The following FAAH2 variants were observed in gnomAD, a reference collection of about 807,000 sequenced individuals.
The protein encoded by FAAH2 is fatty acid amide hydrolase 2.
In FAAH2, 60 loss-of-function variants were observed where a neutral mutation model predicts 36.9. The observed-to-expected ratio is 1.63, with a 90% confidence interval of 1.32 to 2.02. FAAH2 has a LOEUF of 2.02. FAAH2 is among the 30% of genes most tolerant of loss of function. The pLI is 0.00. For synonymous variants in FAAH2, 214 were observed against 143.8 expected (o/e 1.49, Z -3.49); for missense variants, 689 against 397.5 (o/e 1.73, Z -6.23).
intron 3 of FAAH2, among the ~76,000 whole-genome samples, chrX:57,316,821 C>T (rs2052853323): frequency 9.0e-6 from 1 of 110,881 alleles, no homozygotes; most frequent in Non-Finnish European, 1.9e-5. Context: ...CTGTCTCCCC[C>T]CACCGCCTCC....
chrX:57,431,768 T>TTTTTTTTG (rs1312128408), intron 7 of FAAH2, 150 bp from the exon 8 acceptor site: 1 of 181,812 alleles, frequency 5.5e-6, no homozygotes, highest in African/African-American at 5.3e-5. Context: ...TTTTTGTTTT[T>TTTTTTTTG]TTGTTTTTTT....
chrX:57,479,457 G>A (rs1438476430), intron 10 of FAAH2, among the ~76,000 whole-genome samples: 2 of 111,148 alleles, frequency 1.8e-5, no homozygotes, highest in African/African-American at 6.5e-5. Context: ...TGACTTCCTC[G>A]TTTCCTAATT....
At chrX:57,365,583 C>T (rs765301359) in intron 5 of FAAH2, among the ~76,000 whole-genome samples, 8 of 111,785 alleles carry the variant, frequency 7.2e-5, no homozygotes, top group African/African-American at 2.3e-4. Context: ...TCTGCGTTTC[C>T]TATATTTGCA....
the FAAH2 span, among the ~76,000 whole-genome samples, chrX:57,185,768 C>G: frequency 9.1e-6 from 1 of 109,526 alleles, no homozygotes; most frequent in East Asian, 2.9e-4. Flanking sequence ...TCCATGTATT[C>G]TCATTGCTCA....
Position 57,331,587 on chromosome X carries a change from G to T in FAAH2, c.413-11G>T, listed in dbSNP as rs1197052599. 7.6e-6 allele frequency: 9 copies of T among 1,187,688 alleles called. No individual in the cohort carries two copies. The highest frequency in any genetic ancestry group is 1.0e-5 in the Non-Finnish European group (9 of 881,165). On this transcript the variant is annotated splice_polypyrimidine_tract_variant and intron_variant, in intron 3 of 10. Coordinates refer to ENST00000374900, the MANE Select transcript of FAAH2 (RefSeq NM_174912.4). ...ATAATTTTTAAACATTCTTTTCTGT[G>T]ACTCTTTTAGGAATGCCCAATTCTT...
chrX:57,340,768 G>A (rs1454928030), intron 4 of FAAH2, among the ~76,000 whole-genome samples: 4 of 110,824 alleles, frequency 3.6e-5, no homozygotes, highest in Admixed American at 9.7e-5. Context: ...GACACATGGT[G>A]GGGAACAACA....
the FAAH2 span, chrX:57,135,885 A>G: frequency 1.7e-6 from 2 of 1,210,068 alleles, no homozygotes; most frequent in South Asian, 3.5e-5. Context: ...GATGAAATAC[A>G]CAGAGGGTTT....
At chrX:57,342,130 T>C (rs1055784435) in intron 5 of FAAH2, among the ~76,000 whole-genome samples, 6 of 111,744 alleles carry the variant, frequency 5.4e-5, no homozygotes, top group African/African-American at 9.7e-5. Flanking sequence ...TTGATCATGG[T>C]TTTTAGGAAT....
intron 7 of FAAH2, among the ~76,000 whole-genome samples, chrX:57,416,577 A>C (rs1320485684): frequency 8.9e-6 from 1 of 112,107 alleles, no homozygotes; most frequent in Non-Finnish European, 1.9e-5. Context: ...TCTGGCTTGC[A>C]GGGTTTCTGC....
the FAAH2 span, among the ~76,000 whole-genome samples, chrX:57,270,268 G>T: frequency 1.8e-5 from 2 of 111,421 alleles, no homozygotes; most frequent in African/African-American, 6.5e-5. Context: ...ATGGATTCAT[G>T]GCTGAATTCT....
chrX:57,311,203 CA>C (rs2052683158), intron 3 of FAAH2, among the ~76,000 whole-genome samples: 1 of 111,696 alleles, frequency 9.0e-6, no homozygotes, highest in African/African-American at 3.3e-5. Context: ...AGAAATAAAT[CA>C]CAAGGAAATG....
intron 10 of FAAH2, among the ~76,000 whole-genome samples, chrX:57,484,960 G>A (rs762623844): frequency 4.5e-5 from 5 of 111,624 alleles, no homozygotes; most frequent in South Asian, 3.8e-4. Context: ...GAACTCTCAG[G>A]CAGGTCAGGC....
At chrX:57,347,637 T>G (rs1207644337) in intron 5 of FAAH2, among the ~76,000 whole-genome samples, 1 of 78,259 alleles carries the variant, frequency 1.3e-5, no homozygotes, top group African/African-American at 5.3e-5. Flanking sequence ...TTTTTTTTTT[T>G]GCTGTTGTTG....
At chrX:57,235,977 G>A in the FAAH2 span, among the ~76,000 whole-genome samples, 23 of 112,331 alleles carry the variant, frequency 2.0e-4, no homozygotes, top group Non-Finnish European at 3.8e-5. Context: ...TACCAATTGA[G>A]CAAATGTTTC....
At chrX:57,312,063 G>A (rs1380948404) in intron 3 of FAAH2, among the ~76,000 whole-genome samples, 3 of 112,240 alleles carry the variant, frequency 2.7e-5, no homozygotes, top group African/African-American at 9.7e-5. Context: ...TGCAGCCCCT[G>A]CCCAAGAGGG....
intron 2 of FAAH2, among the ~76,000 whole-genome samples, chrX:57,309,501 G>A (rs1233226295): frequency 9.0e-6 from 1 of 111,670 alleles, no homozygotes; most frequent in African/African-American, 3.3e-5. Flanking sequence ...TATGCAGGAT[G>A]TGCAGGTTTG....
chrX:57,479,239 T>C (rs1225067310), intron 10 of FAAH2, among the ~76,000 whole-genome samples: 1 of 111,811 alleles, frequency 8.9e-6, no homozygotes, highest in African/African-American at 3.2e-5. Flanking sequence ...TATTTTATTC[T>C]CTTTGAAGCA....
the FAAH2 span, among the ~76,000 whole-genome samples, chrX:57,145,253 T>TGC: frequency 1.9e-5 from 2 of 102,901 alleles, no homozygotes; most frequent in African/African-American, 7.8e-5. Context: ...ATCATTCTTT[T>TGC]GGGGGGGGGT....
At chrX:57,174,163 T>A in the FAAH2 span, among the ~76,000 whole-genome samples, 6 of 111,512 alleles carry the variant, frequency 5.4e-5, no homozygotes, top group South Asian at 2.2e-3. Flanking sequence ...ATTCTTTGAA[T>A]GTTTTGTAGA....
Sources: gnomAD v4.1 joint callset for allele counts (sites outside exome capture counted in the v4.1 genomes callset) on GRCh38, gnomAD v4.1.1 for gene constraint, MANE v1.5 for transcripts, NCBI Gene and HGNC (gene_info 2026-07-23, HGNC 2026-07-21) for gene names.